Variants in PFKFB3 observed in about 807,000 individuals in gnomAD.
PFKFB3 encodes 6-phosphofructo-2-kinase/fructose-2,6-bisphosphatase 3.
A neutral mutation model predicts 68.0 loss-of-function variants in PFKFB3; 33 were observed. The ratio of observed to expected loss-of-function variants is 0.49; its 90% confidence interval spans 0.37 to 0.65. The LOEUF is 0.65. Ranked by LOEUF, PFKFB3 falls within the 30% of genes least tolerant of loss-of-function variation. The pLI, the probability that PFKFB3 is intolerant of heterozygous loss-of-function variation, is 0.00. For missense variants in PFKFB3, 586 were observed against 712.2 expected (o/e 0.82, Z 2.02); for synonymous variants, 315 against 288.2 (o/e 1.09, Z -0.94).
At chr10:6,219,143 AGAG>A (rs1844782941) in intron 6 of PFKFB3, among the ~76,000 whole-genome samples, 3 of 152,260 alleles carry the variant, frequency 2.0e-5, no homozygotes, top group Non-Finnish European at 1.5e-5. Context: ...ACACAAGGCC[AGAG>A]GCATCTCTGG....
chr10:6,231,601 T>G (rs1296137794), intron 14 of PFKFB3: 1 of 985,084 alleles, frequency 1.0e-6, no homozygotes, highest in African/African-American at 1.7e-5. Flanking sequence ...GCTGGTGGTG[T>G]TGAGGACAGG....
In PFKFB3 at chr10:6,155,201, T is replaced by TTTC. The variant is rs1484239932; in HGVS notation, c.16+10190_16+10191insCTT. Among the ~76,000 whole-genome samples the TTTC allele has an allele frequency of 1.0e-4, 8 of 78,538 alleles. No homozygotes were observed. The South Asian group carries it at 4.4e-3, about 43-fold the overall frequency. 51.5% of individuals were successfully genotyped at this position (78,538 alleles called of 152,430 possible). Reference sequence around the variant, plus strand: ...CTGGGAGAAAAGCACTTACGAGTTTTTTTCTTTTTTTTTTTTTTTGAGACG... The same window carrying TTTC: ...CTGGGAGAAAAGCACTTACGAGTTTTTTCTTTCTTTTTTTTTTTTTTTGAGACG... On this transcript the variant is annotated intron_variant, in intron 1 of 14. Coordinates refer to the PFKFB3 transcript ENST00000379789.
At chr10:6,172,956 C>T (rs551469880) in intron 1 of PFKFB3, among the ~76,000 whole-genome samples, 1 of 152,188 alleles carries the variant, frequency 6.6e-6, no homozygotes, top group Non-Finnish European at 1.5e-5. Flanking sequence ...TCATCTCCCA[C>T]ACCTTCACCT....
the PFKFB3 span, among the ~76,000 whole-genome samples, chr10:6,297,052 C>G: frequency 1.3e-5 from 2 of 152,214 alleles, no homozygotes; most frequent in Non-Finnish European, 2.9e-5. Flanking sequence ...GTAGGGAAAA[C>G]AGCAGCACAA....
the PFKFB3 span, chr10:6,294,130 C>A: frequency 2.0e-6 from 1 of 497,164 alleles, no homozygotes; most frequent in South Asian, 1.5e-5. Context: ...GCATGTGTTT[C>A]TTCTTTATTT....
At chr10:6,251,012 G>A (rs1011643888) in intron 14 of PFKFB3, among the ~76,000 whole-genome samples, 25 of 152,232 alleles carry the variant, frequency 1.6e-4, no homozygotes, top group African/African-American at 5.5e-4. Context: ...GTTTTAATTG[G>A]TTTGAATACT....
At chr10:6,161,225 G>A (rs11595314) in intron 1 of PFKFB3, among the ~76,000 whole-genome samples, 60,436 of 151,972 alleles carry the variant, frequency 0.4, 13,379 homozygotes, top group Non-Finnish European at 0.51. Flanking sequence ...TGTGAGCCAC[G>A]GCGCCTGACC....
At chr10:6,299,662 A>G in the PFKFB3 span, among the ~76,000 whole-genome samples, 1 of 152,172 alleles carries the variant, frequency 6.6e-6, no homozygotes, top group Non-Finnish European at 1.5e-5. Context: ...CTTGACCTTG[A>G]CTTTTCAGGA....
intron 5 of PFKFB3, 28 bp from the exon 6 acceptor site, chr10:6,217,107 T>C (rs775388681): frequency 1.9e-6 from 3 of 1,612,138 alleles, no homozygotes; most frequent in African/African-American, 2.7e-5. Flanking sequence ...GTGTTTGTTT[T>C]CTAACATCCC....
At chr10:6,248,652 A>AAAG (rs71390202) in intron 14 of PFKFB3, among the ~76,000 whole-genome samples, 6,575 of 91,578 alleles carry the variant, frequency 0.072, 760 homozygotes, top group African/African-American at 0.11. Flanking sequence ...AAAAAAAAAA[A>AAAG]GGCAGGGGAT....
At chr10:6,251,773 A>G (rs1442167049) in intron 14 of PFKFB3, among the ~76,000 whole-genome samples, 1 of 152,196 alleles carries the variant, frequency 6.6e-6, no homozygotes, top group African/African-American at 2.4e-5. Context: ...GTTCAAGACC[A>G]GCCTGACCAA....
At chr10:6,257,898 G>A (rs1564239222), downstream of PFKFB3, among the ~76,000 whole-genome samples, 1 of 151,966 alleles carries the variant, frequency 6.6e-6, no homozygotes, top group African/African-American at 2.4e-5. Context: ...AAGGAGCCAG[G>A]TGTTGGTAAT....
At chr10:6,163,527 G>C (rs978950322) in intron 1 of PFKFB3, among the ~76,000 whole-genome samples, 5 of 152,118 alleles carry the variant, frequency 3.3e-5, no homozygotes, top group Non-Finnish European at 7.4e-5. Context: ...TGGGAGGTAG[G>C]GGGGCCAGAC....
chr10:6,170,971 G>A (rs901316913), intron 1 of PFKFB3, among the ~76,000 whole-genome samples: 9 of 152,162 alleles, frequency 5.9e-5, no homozygotes, highest in Non-Finnish European at 1.2e-4. Flanking sequence ...CCCTTCCTTA[G>A]GGCAAAAGGA....
chr10:6,194,652 G>A (rs999281900), intron 1 of PFKFB3, among the ~76,000 whole-genome samples: 3 of 152,188 alleles, frequency 2.0e-5, no homozygotes, highest in African/African-American at 7.2e-5. Context: ...GAGCCAAAGA[G>A]CCAGAGGTCT....
chr10:6,260,305 C>T, the PFKFB3 span, among the ~76,000 whole-genome samples: 38 of 151,150 alleles, frequency 2.5e-4, no homozygotes, highest in South Asian at 2.5e-3. Context: ...CCTAGCTACA[C>T]GGAGAGGCTG....
At chr10:6,314,946 G>T in the PFKFB3 span, among the ~76,000 whole-genome samples, 1 of 152,200 alleles carries the variant, frequency 6.6e-6, no homozygotes, top group African/African-American at 2.4e-5. Context: ...AAGGGGCATG[G>T]CCTTGAATAG....
At chr10:6,163,384 A>C (rs193203310) in intron 1 of PFKFB3, among the ~76,000 whole-genome samples, 104 of 152,184 alleles carry the variant, frequency 6.8e-4, no homozygotes, top group African/African-American at 2.4e-3. Context: ...TTTTAAGGTA[A>C]CCCCCCACAA....
downstream of PFKFB3, among the ~76,000 whole-genome samples, chr10:6,256,576 C>A (rs1846498494): frequency 1.3e-5 from 2 of 152,234 alleles, no homozygotes; most frequent in Non-Finnish European, 2.9e-5. Context: ...ACCTCTCTTT[C>A]CACAAGGTGG....
Sources: gnomAD v4.1 joint callset for allele counts (sites outside exome capture counted in the v4.1 genomes callset) on GRCh38, gnomAD v4.1.1 for gene constraint, MANE v1.5 for transcripts, NCBI Gene and HGNC (gene_info 2026-07-23, HGNC 2026-07-21) for gene names.